The following CADPS variants were observed in gnomAD, a reference collection of about 807,000 sequenced individuals.
CADPS encodes calcium dependent secretion activator, also known as calcium-dependent secretion activator 1.
In CADPS, 57 loss-of-function variants were observed where a neutral mutation model predicts 167.3. The observed-to-expected ratio is 0.34, with a 90% CI of 0.28 to 0.42. The LOEUF (loss-of-function observed/expected upper bound fraction) is 0.42. Among genes scored for constraint, CADPS ranks in the 20% least tolerant of loss-of-function variants. The pLI is 1.00. For synonymous variants in CADPS, 676 were observed against 635.3 expected, an observed-to-expected ratio of 1.06 and a Z score of -0.96; for missense variants, 1,414 against 1,738.1, an observed-to-expected ratio of 0.81 and a Z score of 3.32.
At chr3:62,701,408 A>T (rs1341428955) in intron 3 of CADPS, among the ~76,000 whole-genome samples, 1 of 152,012 alleles carries the variant, frequency 6.6e-6, no homozygotes, top group Non-Finnish European at 1.5e-5. Context: ...CTTCTGGACT[A>T]TGACAGGGAA....
At chr3:62,575,602 T>C (rs1190555271) in intron 8 of CADPS, among the ~76,000 whole-genome samples, 2 of 152,230 alleles carry the variant, frequency 1.3e-5, no homozygotes, top group East Asian at 3.8e-4. Context: ...GAGCTGAGGC[T>C]GAGAAAGTTT....
At chr3:62,779,679 A>G (rs1559582470) in intron 1 of CADPS, 7 of 511,768 alleles carry the variant, frequency 1.4e-5, no homozygotes, top group Non-Finnish European at 2.8e-5. Flanking sequence ...TCCACCGACC[A>G]AAGCCCCATT....
At chr3:62,592,530 T>C (rs2086285829) in intron 7 of CADPS, 107 bp downstream of exon 7, 2 of 797,102 alleles carry the variant, frequency 2.5e-6, no homozygotes, top group Admixed American at 4.2e-5. Flanking sequence ...TGTTCAAAAC[T>C]GAGCCTCTCA....
chr3:62,706,861 G>C (rs1355604131), intron 3 of CADPS, among the ~76,000 whole-genome samples: 3 of 152,060 alleles, frequency 2.0e-5, no homozygotes, highest in Non-Finnish European at 2.9e-5. Context: ...GGTGGAAGCG[G>C]GGTGAGGGAT....
At chr3:62,652,318 A>T (rs1232071131) in intron 4 of CADPS, among the ~76,000 whole-genome samples, 1 of 147,448 alleles carries the variant, frequency 6.8e-6, no homozygotes, top group African/African-American at 2.5e-5. Context: ...GGCATAGCTT[A>T]TGTCCTCTGT....
chr3:62,740,902 A>G (rs958322608), intron 3 of CADPS, among the ~76,000 whole-genome samples: 3 of 152,208 alleles, frequency 2.0e-5, no homozygotes, highest in Admixed American at 1.3e-4. Flanking sequence ...CTGCCACTAT[A>G]TATTACAATT....
intron 12 of CADPS, 28 bp from the exon 13 acceptor site, chr3:62,533,086 C>T: frequency 4.4e-6 from 7 of 1,592,012 alleles, no homozygotes; most frequent in Non-Finnish European, 6.0e-6. Flanking sequence ...GAGAGACTTT[C>T]TTTTAAATAC....
chr3:62,847,429 TC>T lies in CADPS; in HGVS notation c.441+27159del, dbSNP rs1170034441. 6.1e-4 allele frequency among the ~76,000 whole-genome samples: 16 copies of T among 26,432 alleles called. 2 individuals are homozygous for T. In the South Asian group the frequency reaches 0.016, roughly 26 times the overall value. 17.3% of individuals were successfully genotyped at this position (26,432 alleles called of 152,430 possible). ...ATCTCCCAATGCTATCCCTCCCCCC[TC>T]CCCCCACCCCACCACAGTCCCCAGA... is the stretch of plus-strand genomic sequence containing the variant. On this transcript the variant is annotated intron_variant, in intron 1 of 29. Coordinates refer to ENST00000383710, the MANE Select transcript of CADPS (RefSeq NM_003716.4).
intron 17 of CADPS, among the ~76,000 whole-genome samples, chr3:62,509,493 T>C (rs2067336479): frequency 6.6e-6 from 1 of 152,042 alleles, no homozygotes; most frequent in Admixed American, 6.6e-5. Context: ...GCCAGCTTGG[T>C]TCTCTTTCTC....
chr3:62,701,109 C>T (rs1441183813), intron 3 of CADPS, among the ~76,000 whole-genome samples: 1 of 152,072 alleles, frequency 6.6e-6, no homozygotes, highest in Non-Finnish European at 1.5e-5. Flanking sequence ...GGCCCCACCT[C>T]ATAATACTAT....
intron 13 of CADPS, among the ~76,000 whole-genome samples, chr3:62,520,340 C>T (rs2070181165): frequency 6.6e-6 from 1 of 152,198 alleles, no homozygotes; most frequent in South Asian, 2.1e-4. Flanking sequence ...AGTTAATTCT[C>T]ACTATAAAAG....
intron 10 of CADPS, among the ~76,000 whole-genome samples, chr3:62,552,368 T>TA (rs2077453504): frequency 6.6e-6 from 1 of 152,104 alleles, no homozygotes; most frequent in Non-Finnish European, 1.5e-5. Context: ...CCCTAAAACT[T>TA]AAAGTATAAA....
At chr3:62,413,663 C>T (rs904848614) in intron 28 of CADPS, among the ~76,000 whole-genome samples, 23 of 151,942 alleles carry the variant, frequency 1.5e-4, no homozygotes, top group African/African-American at 4.6e-4. Flanking sequence ...CAAGATGAAA[C>T]GACGTCTACA....
At chr3:62,858,052 T>C (rs997640379) in intron 1 of CADPS, among the ~76,000 whole-genome samples, 2 of 152,182 alleles carry the variant, frequency 1.3e-5, no homozygotes, top group Non-Finnish European at 2.9e-5. Flanking sequence ...CCAGAATTCC[T>C]GTTCTAAAGA....
intron 3 of CADPS, among the ~76,000 whole-genome samples, chr3:62,732,680 T>G (rs914276081): frequency 6.6e-6 from 1 of 152,220 alleles, no homozygotes; most frequent in African/African-American, 2.4e-5. Context: ...GGCAATGGCC[T>G]AAGGAAATAA....
At chr3:62,641,053 T>C (rs1391225470) in intron 6 of CADPS, among the ~76,000 whole-genome samples, 1 of 152,200 alleles carries the variant, frequency 6.6e-6, no homozygotes, top group Admixed American at 6.5e-5. Context: ...ACCTGTGCTA[T>C]TATTTACTTA....
At chr3:62,735,613 C>G (rs2152226426) in intron 3 of CADPS, among the ~76,000 whole-genome samples, 1 of 152,226 alleles carries the variant, frequency 6.6e-6, no homozygotes, top group African/African-American at 2.4e-5. Flanking sequence ...AGAGTTCAAC[C>G]CAGTACATAG....
At chr3:62,861,009 C>G (rs1342545336) in intron 1 of CADPS, among the ~76,000 whole-genome samples, 2 of 152,134 alleles carry the variant, frequency 1.3e-5, no homozygotes, top group Admixed American at 6.6e-5. Context: ...TGAAAGTTTT[C>G]TCCCCAGATT....
At chr3:62,798,525 T>C (rs1310512198) in intron 1 of CADPS, among the ~76,000 whole-genome samples, 1 of 152,178 alleles carries the variant, frequency 6.6e-6, no homozygotes, top group Non-Finnish European at 1.5e-5. Context: ...TGGCCTATTG[T>C]AGGACTTCAC....
Sources: allele counts gnomAD v4.1 joint callset (sites outside exome capture counted in the v4.1 genomes callset), GRCh38; gene constraint gnomAD v4.1.1; transcripts MANE v1.5; gene names NCBI Gene and HGNC (gene_info 2026-07-23, HGNC 2026-07-21).